The following DIP2A variants were observed in gnomAD, a reference collection of about 807,000 sequenced individuals.
The protein encoded by DIP2A is disco-interacting protein 2 homolog A.
DIP2A carries 85 observed loss-of-function variants against 177.4 expected under a neutral mutation model. The observed-to-expected ratio is 0.48, with a 90% CI of 0.40 to 0.57. The LOEUF is 0.57. Among genes scored for constraint, DIP2A ranks in the 20% least tolerant of loss-of-function variants. The pLI, the probability that DIP2A is intolerant of heterozygous loss-of-function variation, is 0.00. For synonymous variants in DIP2A, 886 were observed against 881.8 expected (o/e 1.00, Z -0.08); for missense variants, 1,791 against 2,100.2 (o/e 0.85, Z 2.88).
In DIP2A at chr21:46,461,271, C is replaced by CAAAAAAAAAAAAAAAAAAAAAA. The variant is rs60346777; in HGVS notation, c.91+2050_91+2071dup. Among the ~76,000 whole-genome samples the CAAAAAAAAAAAAAAAAAAAAAA allele has an allele frequency of 2.8e-4, 14 of 49,322 alleles. 2 individuals are homozygous for CAAAAAAAAAAAAAAAAAAAAAA. The highest frequency in any genetic ancestry group is 1.4e-3 in the South Asian group (1 of 720). 32.4% of individuals were successfully genotyped at this position (49,322 alleles called of 152,430 possible). A position where few individuals can be genotyped will look rare whatever the true frequency, so the allele number is the denominator to read the frequency against. The stretch of plus-strand genomic sequence containing the variant: ...AGAGCGAGAACCTGTCTCTTCTCAC[C>CAAAAAAAAAAAAAAAAAAAAAA]AAAAAAAAAAAAAAAAAAAAAAGGA... On this transcript the variant is annotated intron_variant, in intron 1 of 37. Coordinates refer to ENST00000417564, the MANE Select transcript of DIP2A (RefSeq NM_015151.4).
intron 3 of DIP2A, among the ~76,000 whole-genome samples, chr21:46,492,900 A>G (rs1261485160): frequency 1.3e-5 from 2 of 150,928 alleles, no homozygotes; most frequent in African/African-American, 2.4e-5. Flanking sequence ...ATATTGCCCC[A>G]CTGCACTCCA....
At chr21:46,509,092 T>C (rs928785635) in intron 6 of DIP2A, among the ~76,000 whole-genome samples, 165 bp from the exon 7 acceptor site, 12 of 152,152 alleles carry the variant, frequency 7.9e-5, no homozygotes, top group African/African-American at 2.9e-4. Flanking sequence ...ATTCAGTAAG[T>C]GTTTTCTAAA....
intron 1 of DIP2A, 82 bp downstream of exon 1, chr21:46,459,304 G>A (rs2054063109): frequency 2.5e-6 from 3 of 1,184,604 alleles, no homozygotes; most frequent in Non-Finnish European, 2.2e-6. Context: ...GGACCCCCGC[G>A]CGGCCCCTCA....
chr21:46,506,346 G>T (rs2057981182), intron 6 of DIP2A, among the ~76,000 whole-genome samples: 1 of 152,130 alleles, frequency 6.6e-6, no homozygotes, highest in East Asian at 1.9e-4. Flanking sequence ...TCAAACTCCT[G>T]GCCTCAAGTG....
At chr21:46,474,972 C>T (rs1170433387) in intron 1 of DIP2A, among the ~76,000 whole-genome samples, 1 of 152,148 alleles carries the variant, frequency 6.6e-6, no homozygotes, top group Non-Finnish European at 1.5e-5. Context: ...ATATGGTTTT[C>T]ATCGGTTTTC....
chr21:46,565,365 T>G (rs2060803751), intron 35 of DIP2A, among the ~76,000 whole-genome samples: 1 of 152,232 alleles, frequency 6.6e-6, no homozygotes, highest in African/African-American at 2.4e-5. Context: ...CTTCAGCCTG[T>G]CCCTGTTGTG....
chr21:46,510,546 T>C (rs1057202455), intron 7 of DIP2A, among the ~76,000 whole-genome samples: 2 of 151,812 alleles, frequency 1.3e-5, no homozygotes, highest in Non-Finnish European at 2.9e-5. Context: ...GTTATACAGC[T>C]CCTAGAAAAA....
At chr21:46,495,112 G>A (rs2057230348) in intron 3 of DIP2A, among the ~76,000 whole-genome samples, 2 of 151,984 alleles carry the variant, frequency 1.3e-5, no homozygotes, top group South Asian at 2.1e-4. Context: ...GAACTGCAGG[G>A]TCTGTACTTC....
chr21:46,486,005 A>G (rs2056659890), intron 2 of DIP2A, among the ~76,000 whole-genome samples: 1 of 130,156 alleles, frequency 7.7e-6, no homozygotes, highest in South Asian at 2.6e-4. Flanking sequence ...TGGGAGGTGG[A>G]GGTTGCAGTG....
intron 35 of DIP2A, among the ~76,000 whole-genome samples, chr21:46,564,503 A>G (rs765867239): frequency 1.3e-5 from 2 of 152,176 alleles, no homozygotes; most frequent in Non-Finnish European, 2.9e-5. Flanking sequence ...TGGGACAGGC[A>G]TGACTCATTA....
chr21:46,574,937 G>A (rs1182740722), downstream of DIP2A, among the ~76,000 whole-genome samples: 4 of 152,088 alleles, frequency 2.6e-5, no homozygotes, highest in Non-Finnish European at 4.4e-5. Flanking sequence ...TATGAGGCAA[G>A]CATTATCCTG....
intron 1 of DIP2A, chr21:46,462,875 T>C (rs966772118): frequency 3.3e-5 from 5 of 152,246 alleles, no homozygotes; most frequent in African/African-American, 9.6e-5. Flanking sequence ...TTCTCCAGCA[T>C]CCTCACTGCA....
At chr21:46,552,443 T>C (rs1221526613) in intron 25 of DIP2A, among the ~76,000 whole-genome samples, 3 of 152,214 alleles carry the variant, frequency 2.0e-5, no homozygotes, top group Non-Finnish European at 1.5e-5. Flanking sequence ...AAGGAGAAGC[T>C]GTAATCTTCA....
At chr21:46,462,861 C>T (rs1461784165) in intron 1 of DIP2A, 1 of 152,254 alleles carries the variant, frequency 6.6e-6, no homozygotes, top group Non-Finnish European at 1.5e-5. Flanking sequence ...CACACCTGGC[C>T]TTATTCTCCA....
intron 8 of DIP2A, among the ~76,000 whole-genome samples, chr21:46,515,788 TC>T (rs542718818): frequency 1.3e-5 from 2 of 152,106 alleles, no homozygotes; most frequent in East Asian, 3.9e-4. Context: ...TCTGCCGGCC[TC>T]CCTCCCAAAG....
rs895719211 is a variant in DIP2A, at chr21:46,563,177, G to A, written c.4090-681G>A. Among the ~76,000 whole-genome samples the A allele has an allele frequency of 6.6e-6, 1 of 152,102 alleles. No individual in the cohort carries two copies. Among genetic ancestry groups the A allele is most frequent in the South Asian group, 2.1e-4 (1 of 4,828 alleles). ...CCCACTCCGCCGGGGAGGGTCTGGC[G>A]GTAACCGTAGCTCACACCTCCCTGT... On this transcript the variant is annotated intron_variant, in intron 34 of 37. Transcript: ENST00000417564. The surrounding 1 kb of genome is among the most constrained non-coding windows in gnomAD (Gnocchi z 4.3).
chr21:46,546,142 G>A (rs567316703), intron 20 of DIP2A, 181 bp downstream of exon 20: 9 of 1,453,158 alleles, frequency 6.2e-6, no homozygotes, highest in African/African-American at 2.8e-5. Flanking sequence ...CCACACCTCC[G>A]AGACTGGTGC....
rs185594673 is a variant in DIP2A at position 46,518,232 on chromosome 21, G to A, written c.1102+6618G>A. Among the ~76,000 whole-genome samples, 447 of 152,290 alleles carry A rather than the reference G, an allele frequency of 2.9e-3. 2 individuals carry two copies. Among genetic ancestry groups the A allele is most frequent in the African/African-American group, 0.01 (431 of 41,564 alleles). ...CCAGGAAGATTCTGGTGTGTGCCAC[G>A]TGGTAGCTAAGCATATGTTTCTGAA... On this transcript the variant is annotated intron_variant, in intron 8 of 37. Coordinates refer to ENST00000417564, the MANE Select transcript of DIP2A (RefSeq NM_015151.4).
chr21:46,523,766 G>T (rs2058939337), intron 8 of DIP2A, among the ~76,000 whole-genome samples: 1 of 152,138 alleles, frequency 6.6e-6, no homozygotes, highest in Non-Finnish European at 1.5e-5. Context: ...ACTATGATAT[G>T]AACCCTCAAA....
Sources: gnomAD v4.1 joint callset for allele counts (sites outside exome capture counted in the v4.1 genomes callset) on GRCh38, gnomAD v4.1.1 for gene constraint, Gnocchi (gnomAD v3.1) non-coding constraint, MANE v1.5 for transcripts, NCBI Gene and HGNC (gene_info 2026-07-23, HGNC 2026-07-21) for gene names.